The following SMYD3 variants were observed in gnomAD, a reference collection of about 807,000 sequenced individuals.
The protein encoded by SMYD3 is SET and MYND domain containing 3.
A neutral mutation model predicts 57.7 loss-of-function variants in SMYD3; 36 were observed. That is an observed-to-expected ratio of 0.62 (90% confidence interval 0.48 to 0.82). The LOEUF (loss-of-function observed/expected upper bound fraction) is 0.82, where lower values mean the gene tolerates loss of function less well. SMYD3 is among the 40% of genes least tolerant of loss of function. The probability of loss-of-function intolerance (pLI) is 0.00; values close to 1 mark genes in which losing one functional copy is unlikely to be tolerated. For missense variants in SMYD3, 515 were observed against 538.8 expected, an observed-to-expected ratio of 0.96 and a Z score of 0.44; for synonymous variants, 211 against 195.0, an observed-to-expected ratio of 1.08 and a Z score of -0.68.
intron 5 of SMYD3, among the ~76,000 whole-genome samples, chr1:245,945,770 A>G (rs2057409579): frequency 6.6e-6 from 1 of 152,218 alleles, no homozygotes; most frequent in Admixed American, 6.5e-5. Flanking sequence ...ACCATGGAAT[A>G]CTACACAGTA....
intron 5 of SMYD3, among the ~76,000 whole-genome samples, chr1:246,090,794 G>A (rs1216527998): frequency 6.6e-6 from 1 of 152,122 alleles, no homozygotes; most frequent in Middle Eastern, 3.2e-3. Flanking sequence ...TGGGATTACA[G>A]GCATGAGCTA....
chr1:246,481,278 C>T (rs2068095976), intron 1 of SMYD3, among the ~76,000 whole-genome samples: 2 of 151,762 alleles, frequency 1.3e-5, no homozygotes, highest in Non-Finnish European at 2.9e-5. Context: ...TGTGGTTAAA[C>T]ATTATTTTTT....
chr1:246,078,969 T>C (rs2060592480), intron 5 of SMYD3, among the ~76,000 whole-genome samples: 1 of 152,154 alleles, frequency 6.6e-6, no homozygotes, highest in African/African-American at 2.4e-5. Flanking sequence ...TAGCAGAAGA[T>C]AGACAGTAAA....
At chr1:245,822,344 CAAT>C (rs1389413216) in intron 10 of SMYD3, among the ~76,000 whole-genome samples, 1 of 133,826 alleles carries the variant, frequency 7.5e-6, no homozygotes, top group East Asian at 2.1e-4. Context: ...GGGAATTGAA[CAAT>C]GAGATCACAT....
At chr1:245,867,754 T>G (rs1036758931) in intron 8 of SMYD3, among the ~76,000 whole-genome samples, 1 of 151,284 alleles carries the variant, frequency 6.6e-6, no homozygotes, top group Non-Finnish European at 1.5e-5. Flanking sequence ...CACCAGGGAG[T>G]TCATTTTAAA....
intron 1 of SMYD3, among the ~76,000 whole-genome samples, chr1:246,435,262 C>T (rs189927808): frequency 1.9e-4 from 29 of 152,234 alleles, no homozygotes; most frequent in African/African-American, 6.7e-4. Context: ...CTCAGCATTA[C>T]ACAATATACC....
chr1:246,115,359 C>A (rs915071912), intron 5 of SMYD3, among the ~76,000 whole-genome samples: 1 of 152,134 alleles, frequency 6.6e-6, no homozygotes, highest in African/African-American at 2.4e-5. Context: ...ACCCAAAGAG[C>A]CTTGCCTCAG....
intron 10 of SMYD3, among the ~76,000 whole-genome samples, chr1:245,810,149 C>T (rs867912557): frequency 1.3e-5 from 2 of 152,188 alleles, no homozygotes; most frequent in African/African-American, 4.8e-5. Context: ...GGGAGTCTAC[C>T]ACAAGGCAGC....
At chr1:245,843,113 C>G (rs189645459) in intron 10 of SMYD3, among the ~76,000 whole-genome samples, 4 of 152,092 alleles carry the variant, frequency 2.6e-5, no homozygotes, top group South Asian at 4.2e-4. Context: ...TCTGAGAAAG[C>G]CTTACACAGC....
intron 1 of SMYD3, among the ~76,000 whole-genome samples, chr1:246,367,892 A>T (rs2066133386): frequency 6.6e-6 from 1 of 152,190 alleles, no homozygotes; most frequent in South Asian, 2.1e-4. Flanking sequence ...ATCGTTAGCA[A>T]CCCACCCTCT....
At chr1:246,038,662 T>C (rs1572928087) in intron 5 of SMYD3, among the ~76,000 whole-genome samples, 1 of 152,316 alleles carries the variant, frequency 6.6e-6, no homozygotes, top group East Asian at 1.9e-4. Flanking sequence ...TATCAGGCTT[T>C]GCCTAGCTCC....
chr1:246,200,316 T>C (rs12127161), intron 5 of SMYD3, among the ~76,000 whole-genome samples: 23,223 of 148,726 alleles, frequency 0.16, 2,326 homozygotes, highest in East Asian at 0.35. Context: ...ATAGAGAAGA[T>C]AGAGGAGAAC....
chr1:246,308,925 T>TA (rs2065031093), intron 5 of SMYD3, among the ~76,000 whole-genome samples: 1 of 152,144 alleles, frequency 6.6e-6, no homozygotes, highest in Non-Finnish European at 1.5e-5. Flanking sequence ...ATTATCCATC[T>TA]AAAAAATGTA....
At chr1:246,322,348 C>T (rs977144623) in intron 5 of SMYD3, 13 of 150,696 alleles carry the variant, frequency 8.6e-5, no homozygotes, top group Non-Finnish European at 1.5e-4. Context: ...GCCTGGGCAA[C>T]AGGGTGAGAC....
At chr1:245,994,008 A>G (rs1047742690) in intron 5 of SMYD3, among the ~76,000 whole-genome samples, 3 of 152,202 alleles carry the variant, frequency 2.0e-5, no homozygotes, top group Admixed American at 6.5e-5. Context: ...ATCGCTTTAG[A>G]TGCATAGAAA....
chr1:246,086,237 T>C (rs995864664), intron 5 of SMYD3, among the ~76,000 whole-genome samples: 1 of 152,090 alleles, frequency 6.6e-6, no homozygotes, highest in Non-Finnish European at 1.5e-5. Context: ...CCTGTATGGA[T>C]TTTTGTCAGC....
At chr1:246,457,617 T>C (rs1489385192) in intron 1 of SMYD3, among the ~76,000 whole-genome samples, 1 of 151,598 alleles carries the variant, frequency 6.6e-6, no homozygotes, top group African/African-American at 2.4e-5. Flanking sequence ...TACCATGGCC[T>C]ATACAGCCTT....
intron 5 of SMYD3, among the ~76,000 whole-genome samples, chr1:246,241,303 G>A (rs924729710): frequency 2.0e-5 from 3 of 152,122 alleles, no homozygotes; most frequent in Non-Finnish European, 4.4e-5. Context: ...TAGCATGAAG[G>A]GCTGATGAAT....
chr1:246,036,720 A>ATTTTTTTTTTTTTTTT (rs546300378), intron 5 of SMYD3, among the ~76,000 whole-genome samples: 4 of 110,496 alleles, frequency 3.6e-5, no homozygotes, highest in East Asian at 7.8e-4. Context: ...AGCCCGGCTA[A>ATTTTTTTTTTTTTTTT]TTTTTTTTTT....
Sources: gnomAD v4.1 joint callset for allele counts (sites outside exome capture counted in the v4.1 genomes callset) on GRCh38, gnomAD v4.1.1 for gene constraint, MANE v1.5 for transcripts, NCBI Gene and HGNC (gene_info 2026-07-23, HGNC 2026-07-21) for gene names.